The following DBX2 variants were observed in gnomAD, a reference collection of about 807,000 sequenced individuals.
DBX2 encodes developing brain homeobox 2.
In DBX2, 16 loss-of-function variants were observed where a neutral mutation model predicts 17.7. The ratio of observed to expected loss-of-function variants is 0.90; its 90% CI spans 0.61 to 1.37. The LOEUF is 1.37. Ranked by LOEUF, DBX2 falls within the 40% of genes most tolerant of loss-of-function variation. The probability of loss-of-function intolerance (pLI) is 0.00; values close to 1 mark genes in which losing one functional copy is unlikely to be tolerated. For missense variants in DBX2, 538 were observed against 433.8 expected, an observed-to-expected ratio of 1.24 and a Z score of -2.13; for synonymous variants, 255 against 183.8, an observed-to-expected ratio of 1.39 and a Z score of -3.13.
At position 45,041,241 on chromosome 12, in the gene DBX2, A is replaced by C. The variant is rs149522113; in HGVS notation, c.404-5127T>G. Among the ~76,000 whole-genome samples the C allele has an allele frequency of 3.1e-3, 473 of 150,740 alleles. 2 individuals carry two copies. The highest frequency in any genetic ancestry group is 0.011 in the African/African-American group (440 of 41,370). On this transcript the variant is annotated intron_variant, in intron 1 of 3. Transcript: ENST00000332700. ...ATAAATAAAATAATAATAAAGAATG[A>C]CAGGGAAGTAAATAATTCCAAAAGG...
intron 2 of DBX2, among the ~76,000 whole-genome samples, chr12:45,031,677 T>C (rs1315189209): frequency 6.6e-6 from 1 of 152,172 alleles, no homozygotes; most frequent in African/African-American, 2.4e-5. Context: ...ATGTACCTTT[T>C]AAAGTGGGCC....
intron 1 of DBX2, among the ~76,000 whole-genome samples, chr12:45,040,525 T>C (rs1466745821): frequency 1.3e-5 from 2 of 152,192 alleles, no homozygotes; most frequent in Non-Finnish European, 2.9e-5. Flanking sequence ...GGGGCTTGTC[T>C]GAATCCAAAT....
At chr12:45,039,726 A>C (rs1201706979) in intron 1 of DBX2, among the ~76,000 whole-genome samples, 1 of 152,124 alleles carries the variant, frequency 6.6e-6, no homozygotes. Context: ...AGCAAATTAA[A>C]AGAAAAAAGG....
In DBX2 at chr12:45,036,113, T is replaced by G. The variant is rs777378990; in HGVS notation, c.405A>C (p.Ala135=). 1 of 1,609,554 alleles carries G rather than the reference T, an allele frequency of 6.2e-7. No homozygotes were observed. Among genetic ancestry groups the G allele is most frequent in the South Asian group, 1.1e-5 (1 of 90,002 alleles). ...RDCTFQPSAP[A]PSKPFLLSTP... ...TGCTCAGAAGGAAAGGTTTGGAAGG[T>G]GCTGCAGAGAAAGCATTGATCTCAT... The change falls in exon 2 of 4, where the codon GCA becomes GCC. Residue 135 remains alanine (A), a splice_region_variant and synonymous_variant. Transcript: ENST00000332700.
chr12:45,042,911 G>A (rs1223781561), intron 1 of DBX2, among the ~76,000 whole-genome samples: 1 of 152,148 alleles, frequency 6.6e-6, no homozygotes, highest in Non-Finnish European at 1.5e-5. Context: ...CAGGTGCCCA[G>A]GGTCATCACC....
rs1418826551 is a variant in DBX2 at position 45,016,574 on chromosome 12, G to C, written c.732C>G (p.Ser244=). The change falls in exon 4 of 4, where the codon TCC becomes TCG. Residue 244 remains serine (S), a synonymous_variant. Coordinates refer to ENST00000332700, the MANE Select transcript of DBX2 (RefSeq NM_001004329.3). The stretch of plus-strand genomic sequence containing the variant: ...TGTTGGAAAGCACTTCCTTTTCTTT[G>C]GAATTCCGCCATTTCATCCTCCTGT... ...FQNRRMKWRN[S]KEKEVLSNRC... is the part of the protein sequence containing the mutation. The C allele has an allele frequency of 1.3e-6, 2 of 1,554,328 alleles. No homozygotes were observed. The highest frequency in any genetic ancestry group is 1.7e-6 in the Non-Finnish European group (2 of 1,154,400).
intron 2 of DBX2, among the ~76,000 whole-genome samples, chr12:45,035,000 T>TA (rs1946432003): frequency 6.6e-6 from 1 of 152,236 alleles, no homozygotes; most frequent in Admixed American, 6.5e-5. Context: ...CCCAGCCATG[T>TA]AAAGTGCTCT....
At chr12:45,034,128 C>CCA (rs3990142) in intron 2 of DBX2, among the ~76,000 whole-genome samples, 63,097 of 149,950 alleles carry the variant, frequency 0.42, 13,473 homozygotes, top group South Asian at 0.65. Flanking sequence ...ACACCCACAC[C>CCA]CACACACACA....
Position 45,016,351 on chromosome 12 carries a change from C to T in DBX2, c.955G>A (p.Gly319Ser). Residue 319 changes from glycine to serine, a missense_variant, in exon 4 of 4, where the codon GGT (glycine) becomes AGT (serine). Gly to Ser is a moderately conservative substitution (Grantham distance 56). Transcript: ENST00000332700. ...APPPEANSLQGALYLCSEEEA... is the reference protein window; with the variant it reads ...APPPEANSLQSALYLCSEEEA... ...TCTTCAGAACATAAATATAAGGCAC[C>T]TTGCAGTGAATTTGCTTCTGGGGGT... 6.2e-7 allele frequency: 1 copy of T among 1,612,232 alleles called. No homozygotes were observed. The highest frequency in any genetic ancestry group is 1.1e-5 in the South Asian group (1 of 90,658).
At chr12:45,032,833 T>A (rs1423086951) in intron 2 of DBX2, among the ~76,000 whole-genome samples, 1 of 152,218 alleles carries the variant, frequency 6.6e-6, no homozygotes, top group Non-Finnish European at 1.5e-5. Context: ...ATCTGATTAA[T>A]TCAATCAGCT....
intron 2 of DBX2, among the ~76,000 whole-genome samples, chr12:45,027,242 C>T (rs998995809): frequency 2.6e-5 from 4 of 152,190 alleles, no homozygotes; most frequent in Admixed American, 2.6e-4. Flanking sequence ...ATCTACTTCA[C>T]TTCCCATTGT....
intron 2 of DBX2, among the ~76,000 whole-genome samples, chr12:45,030,074 C>T (rs1298215440): frequency 6.6e-6 from 1 of 151,914 alleles, no homozygotes; most frequent in African/African-American, 2.4e-5. Flanking sequence ...TGGAGGTACA[C>T]TGTGTGTTCA....
rs1946323438 is a variant in DBX2 at position 45,016,381 on chromosome 12, C to A, written c.925G>T (p.Ala309Ser). ...SERLIQESSGAPPPEANSLQG... is the reference protein window; with the variant it reads ...SERLIQESSGSPPPEANSLQG... ...AGTGAATTTGCTTCTGGGGGTGGTG[C>A]CCCTGAACTCTCCTGGATTAGTCTT... Residue 309 changes from alanine to serine, a missense_variant, in exon 4 of 4, where the codon GCA becomes TCA. Physicochemically the swap from Ala to Ser is moderately conservative, Grantham distance 99. Transcript: ENST00000332700. The A allele has an allele frequency of 3.7e-6, 6 of 1,613,682 alleles. No homozygotes were observed. The highest frequency in any genetic ancestry group is 5.1e-6 in the Non-Finnish European group (6 of 1,179,916).
rs768829733 is a variant in DBX2 at position 45,050,896 on chromosome 12, C to T, written c.32G>A (p.Gly11Asp). Reference protein sequence around the residue: MLPSAVAAHAGAYWDVVASSA... With the variant: MLPSAVAAHADAYWDVVASSA... The stretch of plus-strand genomic sequence containing the variant: ...GGAAGCCACAACGTCCCAGTACGCA[C>T]CGGCGTGGGCTGCGACCGCGCTGGG... Residue 11 changes from glycine to aspartate, a missense_variant, in exon 1 of 4, where the codon GGT (glycine) becomes GAT (aspartate). Gly to Asp is a moderately conservative substitution (Grantham distance 94). Coordinates refer to ENST00000332700, the MANE Select transcript of DBX2 (RefSeq NM_001004329.3). The T allele has an allele frequency of 1.5e-5, 22 of 1,515,334 alleles. No homozygotes were observed. The highest frequency in any genetic ancestry group is 2.9e-5 in the African/African-American group (2 of 69,948). The allele number at this position is 1,515,334 out of a possible 1,614,324, so 93.9% of individuals were successfully genotyped here.
chr12:45,032,225 G>T (rs1448454836), intron 2 of DBX2, among the ~76,000 whole-genome samples: 2 of 152,056 alleles, frequency 1.3e-5, no homozygotes, highest in Non-Finnish European at 2.9e-5. Context: ...CTGTACTTTT[G>T]AGAAGTCAAC....
In DBX2 at chr12:45,050,706, C is replaced by A. The variant is rs1289772027; in HGVS notation, c.222G>T (p.Arg74=). The A allele has an allele frequency of 1.3e-6, 2 of 1,505,370 alleles. No homozygotes were observed. Among genetic ancestry groups the A allele is most frequent in the Non-Finnish European group, 1.8e-6 (2 of 1,129,204 alleles). The allele number at this position is 1,505,370 out of a possible 1,614,324, so 93.3% of individuals were successfully genotyped here. ...TALATAGAQL[R]PLPASPVPLK... Reference sequence around the variant, plus strand: ...GGGGAACTGGGCTAGCAGGCAGGGGCCGGAGCTGCGCGCCCGCGGTGGCCA... The same window carrying A: ...GGGGAACTGGGCTAGCAGGCAGGGGACGGAGCTGCGCGCCCGCGGTGGCCA... The change falls in exon 1 of 4, where the codon CGG becomes CGT. Residue 74 remains arginine (R), a synonymous_variant. Transcript: ENST00000332700.
At chr12:45,021,663 T>G (rs1394543705) in intron 3 of DBX2, among the ~76,000 whole-genome samples, 1 of 152,166 alleles carries the variant, frequency 6.6e-6, no homozygotes, top group Non-Finnish European at 1.5e-5. Flanking sequence ...TGCCCTCATG[T>G]CCTCTCTCAG....
At chr12:45,030,476 G>A (rs765038986) in intron 2 of DBX2, among the ~76,000 whole-genome samples, 6 of 152,114 alleles carry the variant, frequency 3.9e-5, no homozygotes, top group Non-Finnish European at 5.9e-5. Flanking sequence ...CTATTGCTTC[G>A]AGAAGCTCTA....
chr12:45,041,010 G>A (rs1592758239), intron 1 of DBX2, among the ~76,000 whole-genome samples: 1 of 148,032 alleles, frequency 6.8e-6, no homozygotes, highest in Admixed American at 6.7e-5. Context: ...AATGATAGAA[G>A]GTTCCAAAGT....
Sources: gnomAD v4.1 joint callset for allele counts (sites outside exome capture counted in the v4.1 genomes callset) on GRCh38, gnomAD v4.1.1 for gene constraint, MANE v1.5 for transcripts, NCBI Gene and HGNC (gene_info 2026-07-23, HGNC 2026-07-21) for gene names.